The following CD2AP variants were observed in gnomAD, a reference collection of about 807,000 sequenced individuals.
CD2AP encodes the protein CD2 associated protein.
A neutral mutation model predicts 85.1 loss-of-function variants in CD2AP; 46 were observed. The ratio of observed to expected loss-of-function variants is 0.54; its 90% CI spans 0.43 to 0.69. The LOEUF is 0.69. CD2AP is among the 30% of genes least tolerant of loss of function. The pLI, the probability that CD2AP is intolerant of heterozygous loss-of-function variation, is 0.00. For missense variants in CD2AP, 769 were observed against 729.5 expected (o/e 1.05, Z -0.62); for synonymous variants, 255 against 252.9 (o/e 1.01, Z -0.08).
intron 8 of CD2AP, among the ~76,000 whole-genome samples, chr6:47,578,567 A>G (rs555108653): frequency 6.6e-6 from 1 of 152,264 alleles, no homozygotes; most frequent in South Asian, 2.1e-4. Flanking sequence ...TTTAGTATAT[A>G]AAGTGTTAAA....
chr6:47,559,286 G>T (rs1291877580), intron 5 of CD2AP, among the ~76,000 whole-genome samples: 8 of 148,416 alleles, frequency 5.4e-5, no homozygotes, highest in African/African-American at 1.7e-4. Flanking sequence ...AACAGGCAGG[G>T]TTTCACTTTG....
At chr6:47,523,456 G>C (rs1446079356) in intron 2 of CD2AP, among the ~76,000 whole-genome samples, 3 of 152,034 alleles carry the variant, frequency 2.0e-5, no homozygotes, top group African/African-American at 7.2e-5. Context: ...TTCCACTTGT[G>C]TTGAATATGT....
chr6:47,622,530 C>T (rs1479800340), intron 17 of CD2AP, among the ~76,000 whole-genome samples: 3 of 152,112 alleles, frequency 2.0e-5, no homozygotes, highest in African/African-American at 7.2e-5. Flanking sequence ...GCTTCCTCTA[C>T]CCCCCTTGTA....
chr6:47,614,763 T>C (rs139256944), intron 17 of CD2AP, among the ~76,000 whole-genome samples: 1 of 152,248 alleles, frequency 6.6e-6, no homozygotes, highest in East Asian at 1.9e-4. Context: ...CGAAGTACAA[T>C]AAAAAGAGGT....
In CD2AP at chr6:47,478,052, GA is replaced by G. The variant is rs1236963023; in HGVS notation, c.-192del. 2.8e-6 allele frequency: 2 copies of G among 702,748 alleles called. No individual in the cohort carries two copies. Among genetic ancestry groups the G allele is most frequent in the African/African-American group, 1.8e-5 (1 of 55,552 alleles). The allele number at this position is 702,748 out of a possible 1,614,324, so 43.5% of individuals were successfully genotyped here. On this transcript the variant is annotated 5_prime_UTR_variant, in exon 1 of 18. Coordinates refer to ENST00000359314, the MANE Select transcript of CD2AP (RefSeq NM_012120.3). Reference sequence around the variant, plus strand: ...CTGTCGCCGCCTTTGCCTCTGCCTCGAGGGCCGCGCTGAAGAGACTGGTAGG... The same window carrying G: ...CTGTCGCCGCCTTTGCCTCTGCCTCGGGGCCGCGCTGAAGAGACTGGTAGG...
intron 5 of CD2AP, among the ~76,000 whole-genome samples, chr6:47,570,720 A>G (rs1381811402): frequency 6.6e-6 from 1 of 152,158 alleles, no homozygotes; most frequent in Non-Finnish European, 1.5e-5. Flanking sequence ...TACTTCTCAT[A>G]GCAATCCTGT....
chr6:47,492,350 T>A (rs1439794100), intron 1 of CD2AP, among the ~76,000 whole-genome samples: 1 of 144,242 alleles, frequency 6.9e-6, no homozygotes, highest in Admixed American at 6.9e-5. Context: ...CTGTAATCTT[T>A]TTTTTTTTTT....
At chr6:47,582,790 G>GTTTT (rs1554181771) in intron 11 of CD2AP, among the ~76,000 whole-genome samples, 2 of 86,790 alleles carry the variant, frequency 2.3e-5, no homozygotes, top group Admixed American at 2.6e-4. Flanking sequence ...GTTTTTTTTT[G>GTTTT]TTTTGTTTTT....
chr6:47,616,862 T>G (rs541067022), intron 17 of CD2AP, among the ~76,000 whole-genome samples: 40 of 152,316 alleles, frequency 2.6e-4, no homozygotes, highest in African/African-American at 9.6e-4. Context: ...CTGCAACAGA[T>G]CACATTTTTT....
intron 15 of CD2AP, 106 bp from the exon 16 acceptor site, chr6:47,609,017 G>T: frequency 2.5e-6 from 2 of 793,704 alleles, no homozygotes; most frequent in Middle Eastern, 3.8e-4. Flanking sequence ...TTCCAAATTT[G>T]CCACTTATCT....
rs57447174 is a variant in CD2AP at position 47,491,271 on chromosome 6, A to ATGTG, written c.5-11979_5-11976dup. On this transcript the variant is annotated intron_variant, in intron 1 of 17. Transcript: ENST00000359314. ...CTTTCTTCCTGATATGTGTGTGTGT[A>ATGTG]TGTGTGTGTGTGTGTGTGTGTGTGT... 4.7e-3 allele frequency among the ~76,000 whole-genome samples: 578 copies of ATGTG among 122,570 alleles called. 4 individuals are homozygous for ATGTG. The highest frequency in any genetic ancestry group is 0.013 in the African/African-American group (503 of 37,516). 80.4% of individuals were successfully genotyped at this position (122,570 alleles called of 152,430 possible).
intron 11 of CD2AP, 43 bp from the exon 12 acceptor site, chr6:47,595,818 T>C (rs1768924427): frequency 6.4e-7 from 1 of 1,557,676 alleles, no homozygotes; most frequent in African/African-American, 1.4e-5. Flanking sequence ...AAAACCTAAA[T>C]AATTTTGATT....
intron 3 of CD2AP, among the ~76,000 whole-genome samples, chr6:47,538,322 C>G (rs1204361558): frequency 6.6e-6 from 1 of 151,980 alleles, no homozygotes; most frequent in Non-Finnish European, 1.5e-5. Context: ...GCTCACTGCA[C>G]CCTTCGCCTT....
intron 11 of CD2AP, among the ~76,000 whole-genome samples, chr6:47,594,323 T>C (rs1451199476): frequency 6.6e-6 from 1 of 152,118 alleles, no homozygotes; most frequent in Non-Finnish European, 1.5e-5. Flanking sequence ...TATGTTGCCA[T>C]CTTATAGTAG....
rs935588296 is a variant in CD2AP, at chr6:47,576,726, C to A, written c.808+124C>A. The A allele has an allele frequency of 9.1e-6, 7 of 771,164 alleles. No homozygotes were observed. The African/African-American group carries it at 1.0e-4, about 11-fold the overall frequency. 47.8% of individuals were successfully genotyped at this position (771,164 alleles called of 1,614,324 possible). Reference sequence around the variant, plus strand: ...AATAGCAAATTCTATTAGATGTAAGCACCATGAGGTCAAGGATTTTGATAT... The same window carrying A: ...AATAGCAAATTCTATTAGATGTAAGAACCATGAGGTCAAGGATTTTGATAT... On this transcript the variant is annotated intron_variant, in intron 7 of 17. Coordinates refer to ENST00000359314, the MANE Select transcript of CD2AP (RefSeq NM_012120.3).
intron 17 of CD2AP, among the ~76,000 whole-genome samples, chr6:47,615,355 AG>A (rs558052342): frequency 9.1e-4 from 138 of 152,316 alleles, no homozygotes; most frequent in African/African-American, 3.1e-3. Flanking sequence ...ATTGCTATAA[AG>A]AAATACCTGA....
intron 2 of CD2AP, among the ~76,000 whole-genome samples, chr6:47,510,153 A>T (rs1024465595): frequency 1.3e-5 from 2 of 152,236 alleles, no homozygotes; most frequent in Admixed American, 1.3e-4. Flanking sequence ...ACTAGATTAT[A>T]GTCAGAGACA....
chr6:47,510,512 A>C lies in CD2AP; in HGVS notation c.165+7072A>C, dbSNP rs1485160599. 3.3e-5 allele frequency among the ~76,000 whole-genome samples: 5 copies of C among 152,182 alleles called. No individual in the cohort carries two copies. In the East Asian group the frequency reaches 9.6e-4, roughly 29 times the overall value. Reference sequence around the variant, plus strand: ...AAAAACAAAAGGTGGGCCTGTGTCAAAGGGACTTAGAACCCAACCTGAAGG... The same window carrying C: ...AAAAACAAAAGGTGGGCCTGTGTCACAGGGACTTAGAACCCAACCTGAAGG... On this transcript the variant is annotated intron_variant, in intron 2 of 17. Transcript: ENST00000359314.
chr6:47,538,266 A>C (rs994264411), intron 3 of CD2AP, among the ~76,000 whole-genome samples: 1 of 152,038 alleles, frequency 6.6e-6, no homozygotes, highest in Admixed American at 6.6e-5. Flanking sequence ...TTTGAGACAG[A>C]GTTTCGCTCT....
Sources: allele counts gnomAD v4.1 joint callset (sites outside exome capture counted in the v4.1 genomes callset), GRCh38; gene constraint gnomAD v4.1.1; transcripts MANE v1.5; gene names NCBI Gene and HGNC (gene_info 2026-07-23, HGNC 2026-07-21).